Variants in TTLL5 observed in about 807,000 individuals in gnomAD.
TTLL5 encodes the protein tubulin tyrosine ligase like 5, also known as tubulin polyglutamylase TTLL5.
TTLL5 carries 132 observed loss-of-function variants against 168.4 expected under a neutral mutation model. That is an observed-to-expected ratio of 0.78 (90% CI 0.68 to 0.91). The LOEUF is 0.91. Among genes scored for constraint, TTLL5 ranks in the 40% least tolerant of loss-of-function variants. The pLI, the probability that TTLL5 is intolerant of heterozygous loss-of-function variation, is 0.00. For missense variants in TTLL5, 1,545 were observed against 1,581.5 expected, an observed-to-expected ratio of 0.98 and a Z score of 0.39; for synonymous variants, 546 against 558.6, an observed-to-expected ratio of 0.98 and a Z score of 0.32.
At chr14:75,840,052 A>G (rs1272299970) in intron 28 of TTLL5, among the ~76,000 whole-genome samples, 1 of 152,222 alleles carries the variant, frequency 6.6e-6, no homozygotes, top group Admixed American at 6.5e-5. Flanking sequence ...CTTGATCCAC[A>G]AAAGTTTTTA....
At chr14:75,681,483 A>C in intron 3 of TTLL5, 62 bp from the exon 4 acceptor site, 1 of 1,294,892 alleles carries the variant, frequency 7.7e-7, no homozygotes, top group Non-Finnish European at 1.1e-6. Flanking sequence ...ACCATGTTAC[A>C]GTTTATTTTT....
intron 9 of TTLL5, chr14:75,709,384 TGTGTTCCGTTC>T: frequency 1.8e-6 from 1 of 568,502 alleles, no homozygotes; most frequent in Non-Finnish European, 3.2e-6. Context: ...GGTGGAGCTC[TGTGTTCCGTTC>T]GCCTCTAGGT....
In TTLL5 at chr14:75,775,356, G is replaced by GT. The variant is rs913237372; in HGVS notation, c.2137-127dup. 5.6e-6 allele frequency: 6 copies of GT among 1,065,286 alleles called. 1 individual carries two copies. The highest frequency in any genetic ancestry group is 8.0e-6 in the Non-Finnish European group (6 of 753,520). The allele number at this position is 1,065,286 out of a possible 1,614,324, so 66.0% of individuals were successfully genotyped here. A position where few individuals can be genotyped will look rare whatever the true frequency, so the allele number is the denominator to read the frequency against. ...CTTATACCTAACCTTTTTGTTCTGG[G>GT]TCTTGTTTGTTGAAATGTGTAATAT... On this transcript the variant is annotated intron_variant, in intron 21 of 31. Coordinates refer to ENST00000298832, the MANE Select transcript of TTLL5 (RefSeq NM_015072.5).
intron 17 of TTLL5, among the ~76,000 whole-genome samples, chr14:75,751,861 T>C (rs1889975042): frequency 6.6e-6 from 1 of 152,142 alleles, no homozygotes; most frequent in Non-Finnish European, 1.5e-5. Context: ...AGTAAAGGAA[T>C]AAAAGAATGG....
intron 31 of TTLL5, among the ~76,000 whole-genome samples, chr14:75,951,031 A>G (rs1017658890): frequency 2.0e-5 from 3 of 151,146 alleles, no homozygotes; most frequent in African/African-American, 7.3e-5. Flanking sequence ...ACTGTCCTGG[A>G]TTTTCTAATA....
At chr14:75,707,181 C>A in intron 8 of TTLL5, 94 bp downstream of exon 8, 1 of 983,048 alleles carries the variant, frequency 1.0e-6, no homozygotes, top group Non-Finnish European at 1.6e-6. Flanking sequence ...CTTTATTATA[C>A]TGTTGTGAAA....
chr14:75,886,964 T>A, intron 30 of TTLL5: 1 of 1,414,560 alleles, frequency 7.1e-7, no homozygotes, highest in Admixed American at 3.1e-5. Flanking sequence ...GGGAGACTTC[T>A]CTGAAGAAAG....
intron 31 of TTLL5, among the ~76,000 whole-genome samples, chr14:75,929,436 A>C (rs1484400507): frequency 2.0e-5 from 3 of 148,196 alleles, no homozygotes; most frequent in African/African-American, 7.5e-5. Context: ...AAAGTCTTTC[A>C]ATAAAGATAC....
At position 75,874,933 on chromosome 14, in the gene TTLL5, C is replaced by CCTTTTTTTTTTT. The variant is rs778792332; in HGVS notation, c.3523-7752_3523-7751insCTTTTTTTTTTT. Among the ~76,000 whole-genome samples, 27 of 97,534 alleles carry CCTTTTTTTTTTT rather than the reference C, an allele frequency of 2.8e-4. 7 individuals are homozygous for CCTTTTTTTTTTT. The highest frequency in any genetic ancestry group is 9.8e-4 in the African/African-American group (20 of 20,370). 64.0% of individuals were successfully genotyped at this position (97,534 alleles called of 152,430 possible). A position where few individuals can be genotyped will look rare whatever the true frequency, so the allele number is the denominator to read the frequency against. ...AGAGAAAAAAAAAGACACTGGGGGC[C>CCTTTTTTTTTTT]TTTTTTTTTTTTTTTTTTGAGACGG... is the stretch of plus-strand genomic sequence containing the variant. On this transcript the variant is annotated intron_variant, in intron 29 of 31. Transcript: ENST00000298832.
intron 18 of TTLL5, among the ~76,000 whole-genome samples, chr14:75,762,296 G>T (rs1363982099): frequency 6.6e-6 from 1 of 152,152 alleles, no homozygotes; most frequent in Non-Finnish European, 1.5e-5. Flanking sequence ...CTGGGAGGCT[G>T]AGGCAGGAGA....
At chr14:75,723,475 A>T (rs1425403727) in intron 12 of TTLL5, among the ~76,000 whole-genome samples, 1 of 152,146 alleles carries the variant, frequency 6.6e-6, no homozygotes, top group Non-Finnish European at 1.5e-5. Flanking sequence ...ACCTCATTAG[A>T]TTTAAATAAT....
intron 28 of TTLL5, among the ~76,000 whole-genome samples, chr14:75,849,345 T>G (rs967432010): frequency 3.9e-5 from 6 of 152,242 alleles, no homozygotes. Context: ...GTCAACCTTA[T>G]TCTCTCTGTT....
At chr14:75,706,126 C>T (rs943806032) in intron 7 of TTLL5, among the ~76,000 whole-genome samples, 1 of 152,182 alleles carries the variant, frequency 6.6e-6, no homozygotes, top group African/African-American at 2.4e-5. Context: ...CTTTCTTCTC[C>T]ACCATGTGCT....
At chr14:75,902,576 A>T in intron 31 of TTLL5, 1 of 471,124 alleles carries the variant, frequency 2.1e-6, no homozygotes, top group South Asian at 1.5e-5. Context: ...CAGCCCTGTG[A>T]GTTTGATCTT....
At chr14:75,761,844 C>A (rs898542242) in intron 18 of TTLL5, among the ~76,000 whole-genome samples, 7 of 152,150 alleles carry the variant, frequency 4.6e-5, no homozygotes, top group Non-Finnish European at 5.9e-5. Context: ...GCTTACCCAA[C>A]ACAGTTCTAT....
At chr14:75,677,843 G>A (rs1884299967) in intron 3 of TTLL5, among the ~76,000 whole-genome samples, 1 of 151,390 alleles carries the variant, frequency 6.6e-6, no homozygotes, top group African/African-American at 2.4e-5. Context: ...TGTTGCCCTG[G>A]CCGATCTTGA....
chr14:75,813,134 T>A (rs1042103942), intron 27 of TTLL5, among the ~76,000 whole-genome samples: 1 of 152,176 alleles, frequency 6.6e-6, no homozygotes, highest in East Asian at 1.9e-4. Context: ...CATCTACCTG[T>A]CTTGAAGACT....
intron 3 of TTLL5, among the ~76,000 whole-genome samples, chr14:75,670,983 AG>A (rs1883694336): frequency 6.6e-6 from 1 of 152,202 alleles, no homozygotes; most frequent in Non-Finnish European, 1.5e-5. Flanking sequence ...GCCTAACCCA[AG>A]GTCATGATCC....
chr14:75,852,468 T>C (rs1048725782), intron 28 of TTLL5, among the ~76,000 whole-genome samples: 14 of 152,220 alleles, frequency 9.2e-5, no homozygotes, highest in African/African-American at 3.4e-4. Flanking sequence ...CGTGTAGTTA[T>C]GTGCTTTTGA....
Sources: gnomAD v4.1 joint callset for allele counts (sites outside exome capture counted in the v4.1 genomes callset) on GRCh38, gnomAD v4.1.1 for gene constraint, MANE v1.5 for transcripts, NCBI Gene and HGNC (gene_info 2026-07-23, HGNC 2026-07-21) for gene names.